The following UNC5A variants were observed in gnomAD, a reference collection of about 807,000 sequenced individuals.
The protein encoded by UNC5A is unc-5 netrin receptor A.
UNC5A carries 20 observed loss-of-function variants against 87.4 expected under a neutral mutation model. The observed-to-expected ratio is 0.23, with a 90% CI of 0.16 to 0.33. UNC5A has a LOEUF of 0.33. Among genes scored for constraint, UNC5A ranks in the 10% least tolerant of loss-of-function variants. UNC5A has a pLI of 1.00. For synonymous variants in UNC5A, 438 were observed against 482.3 expected (o/e 0.91, Z 1.20); for missense variants, 844 against 1,133.4 (o/e 0.74, Z 3.67).
At chr5:176,813,121 G>A (rs1023586443) in intron 1 of UNC5A, among the ~76,000 whole-genome samples, 1 of 152,320 alleles carries the variant, frequency 6.6e-6, no homozygotes, top group African/African-American at 2.4e-5. Context: ...GCACCTGCAG[G>A]CCCTCTCTGT....
At chr5:176,857,580 A>G (rs1464823836) in intron 1 of UNC5A, among the ~76,000 whole-genome samples, 1 of 152,126 alleles carries the variant, frequency 6.6e-6, no homozygotes, top group Non-Finnish European at 1.5e-5. Context: ...ATTCCTGAGA[A>G]GATGTGTGGT....
chr5:176,853,835 T>C (rs939833334), intron 1 of UNC5A, among the ~76,000 whole-genome samples: 1 of 152,096 alleles, frequency 6.6e-6, no homozygotes, highest in Non-Finnish European at 1.5e-5. Context: ...GGGTGACTGC[T>C]AGGGCGACAG....
At position 176,865,097 on chromosome 5, in the gene UNC5A, GC is replaced by G; in HGVS notation, c.292+2255del. The stretch of plus-strand genomic sequence containing the variant: ...CGGGGGAAGCCATGAAATCTCACGT[GC>G]CCAGTCAGGACCCAGCACGGGGCCT... On this transcript the variant is annotated intron_variant, in intron 2 of 14. Transcript: ENST00000329542. This position sits in a 1 kb window ranked among gnomAD's most constrained non-coding sequence, Gnocchi z 5.3. 6.0e-6 allele frequency: 2 copies of G among 331,674 alleles called. No homozygotes were observed. The highest frequency in any genetic ancestry group is 8.5e-5 in the Admixed American group (2 of 23,654). The allele number at this position is 331,674 out of a possible 1,614,324, so 20.5% of individuals were successfully genotyped here. A position where few individuals can be genotyped will look rare whatever the true frequency, so the allele number is the denominator to read the frequency against.
At chr5:176,858,078 G>A (rs750042270) in intron 1 of UNC5A, among the ~76,000 whole-genome samples, 11 of 152,204 alleles carry the variant, frequency 7.2e-5, no homozygotes, top group East Asian at 1.9e-4. Context: ...AGGCAGCAGC[G>A]GTAGGCACCC....
In UNC5A at chr5:176,824,377, A is replaced by G. The variant is rs1319033289; in HGVS notation, c.70+13557A>G. On this transcript the variant is annotated intron_variant, in intron 1 of 14. Coordinates refer to ENST00000329542, the MANE Select transcript of UNC5A (RefSeq NM_133369.3). The surrounding 1 kb of genome is among the most constrained non-coding windows in gnomAD (Gnocchi z 4.2). ...TGCTGTTAACAGCCTTCCTGGCCCT[A>G]GATCCACAAACTTCCCGCTTTAACG... 1.3e-5 allele frequency among the ~76,000 whole-genome samples: 2 copies of G among 152,084 alleles called. No individual in the cohort carries two copies. Among genetic ancestry groups the G allele is most frequent in the African/African-American group, 2.4e-5 (1 of 41,402 alleles).
Position 176,870,352 on chromosome 5 carries a change from T to C in UNC5A, c.722-18T>C, listed in dbSNP as rs983814747. Reference sequence around the variant, plus strand: ...CAGGCTGACCGCACCGTCTCCTCTCTGCTTGTCTCTCATCTAGTGGACGGC... The same window carrying C: ...CAGGCTGACCGCACCGTCTCCTCTCCGCTTGTCTCTCATCTAGTGGACGGC... On this transcript the variant is annotated intron_variant, in intron 5 of 14. Coordinates refer to ENST00000329542, the MANE Select transcript of UNC5A (RefSeq NM_133369.3). The C allele has an allele frequency of 5.6e-6, 9 of 1,609,886 alleles. No homozygotes were observed. In the African/African-American group the frequency reaches 1.1e-4, roughly 19 times the overall value.
At position 176,879,804 on chromosome 5, in the gene UNC5A, ACCT is replaced by A; in HGVS notation, c.2449_2451del (p.Leu817del). 1 of 1,613,062 alleles carries A rather than the reference ACCT, an allele frequency of 6.2e-7. No individual in the cohort carries two copies. The highest frequency in any genetic ancestry group is 8.5e-7 in the Non-Finnish European group (1 of 1,179,818). On this transcript the variant is annotated inframe_deletion, in exon 15 of 15. Transcript: ENST00000329542. ...GAGGCGCGGCACTTCCCCAACGGCA[ACCT>A]CAGCCAGCTGGCTGCAGCAGTGGCT...
At chr5:176,820,278 T>C (rs1286785106) in intron 1 of UNC5A, among the ~76,000 whole-genome samples, 1 of 152,122 alleles carries the variant, frequency 6.6e-6, no homozygotes, top group Non-Finnish European at 1.5e-5. Flanking sequence ...GCACCTGTAG[T>C]CCCAGCTACT....
rs751267673 is a variant in UNC5A at position 176,862,832 on chromosome 5, A to C, written c.279A>C (p.Thr93=). Residue 93 remains threonine (T), a synonymous_variant, in exon 2 of 15, where the codon ACA becomes ACC. Coordinates refer to ENST00000329542, the MANE Select transcript of UNC5A (RefSeq NM_133369.3). The part of the protein sequence containing the change: ...RQVDHVIERS[T]DGSSGLPTME... ...TGGACCACGTGATCGAGCGCAGCACAGACGGGAGCAGTGGTGAGCCGCATG... is the reference window on the plus strand; with the variant it reads ...TGGACCACGTGATCGAGCGCAGCACCGACGGGAGCAGTGGTGAGCCGCATG... 1.9e-6 allele frequency: 3 copies of C among 1,612,894 alleles called. No individual in the cohort carries two copies. In the Admixed American group the frequency reaches 5.0e-5, roughly 27 times the overall value.
In UNC5A at chr5:176,870,440, T is replaced by C. The variant is rs748681719; in HGVS notation, c.792T>C (p.Arg264=). ...CGLDCTHWRS[R]ECSDPAPRNG... is the part of the protein sequence containing the mutation. The stretch of plus-strand genomic sequence containing the variant: ...TGGACTGCACCCACTGGCGGAGCCG[T>C]GAGTGCTCTGACCCAGCACCCCGCA... Residue 264 remains arginine (R), a synonymous_variant, in exon 6 of 15, where the codon CGT becomes CGC. Coordinates refer to ENST00000329542, the MANE Select transcript of UNC5A (RefSeq NM_133369.3). 8 of 1,612,036 alleles carry C rather than the reference T, an allele frequency of 5.0e-6. No homozygotes were observed. The highest frequency in any genetic ancestry group is 6.8e-6 in the Non-Finnish European group (8 of 1,179,492).
intron 1 of UNC5A, among the ~76,000 whole-genome samples, chr5:176,819,423 CAG>C (rs1176499046): frequency 2.0e-5 from 3 of 152,172 alleles, no homozygotes; most frequent in Non-Finnish European, 2.9e-5. Flanking sequence ...GAACTGAACT[CAG>C]GGGTGGCTGT....
chr5:176,846,099 A>G (rs538586465), intron 1 of UNC5A, among the ~76,000 whole-genome samples: 1 of 152,142 alleles, frequency 6.6e-6, no homozygotes, highest in East Asian at 1.9e-4. Flanking sequence ...GCCACATAGG[A>G]TGGCTGAGGC....
At chr5:176,843,468 G>A (rs1270778903) in intron 1 of UNC5A, among the ~76,000 whole-genome samples, 1 of 152,198 alleles carries the variant, frequency 6.6e-6, no homozygotes, top group African/African-American at 2.4e-5. Context: ...GGTGCAAAGG[G>A]GCTGGCGGGA....
In UNC5A at chr5:176,864,448, C is replaced by T. The variant is rs566367510; in HGVS notation, c.292+1603C>T. On this transcript the variant is annotated intron_variant, in intron 2 of 14. Coordinates refer to ENST00000329542, the MANE Select transcript of UNC5A (RefSeq NM_133369.3). ...AGGGCAAGGCCCCTGCCAGGGAGAA[C>T]GGTTTGGAAGCTCTGGCAGTGATCT... Among the ~76,000 whole-genome samples, 8 of 152,234 alleles carry T rather than the reference C, an allele frequency of 5.3e-5. 1 individual carries two copies. Among genetic ancestry groups the T allele is most frequent in the South Asian group, 4.1e-4 (2 of 4,832 alleles).
At chr5:176,876,345 C>T (rs143327572) in intron 8 of UNC5A, among the ~76,000 whole-genome samples, 326 of 152,288 alleles carry the variant, frequency 2.1e-3, no homozygotes, top group African/African-American at 7.4e-3. Flanking sequence ...GCGCTGCCCA[C>T]GAGGGAGTGT....
chr5:176,877,363 G>A lies in UNC5A; in HGVS notation c.1466+84G>A, dbSNP rs569462043. The A allele has an allele frequency of 1.7e-4, 239 of 1,412,516 alleles. 2 individuals carry two copies. The South Asian group carries it at 2.8e-3, about 16-fold the overall frequency. 87.5% of individuals were successfully genotyped at this position (1,412,516 alleles called of 1,614,324 possible). A position where few individuals can be genotyped will look rare whatever the true frequency, so the allele number is the denominator to read the frequency against. The stretch of plus-strand genomic sequence containing the variant: ...CCAGGAAGCCCCCTGCCCACCCACT[G>A]TTGTGCCTGGCCCGAGGCGGCGGGG... On this transcript the variant is annotated intron_variant, in intron 9 of 14. Coordinates refer to ENST00000329542, the MANE Select transcript of UNC5A (RefSeq NM_133369.3).
At chr5:176,839,867 A>AAG in intron 1 of UNC5A, among the ~76,000 whole-genome samples, 1 of 134,934 alleles carries the variant, frequency 7.4e-6, no homozygotes, top group Non-Finnish European at 1.5e-5. Flanking sequence ...CCCAGGCTGG[A>AAG]ATGCAGTGGT....
At chr5:176,846,507 C>T (rs1020313234) in intron 1 of UNC5A, among the ~76,000 whole-genome samples, 1 of 152,158 alleles carries the variant, frequency 6.6e-6, no homozygotes, top group Admixed American at 6.5e-5. Context: ...ATTGAGGCAT[C>T]TTATACAGCT....
intron 1 of UNC5A, among the ~76,000 whole-genome samples, chr5:176,822,230 C>T (rs910122933): frequency 6.6e-6 from 1 of 152,210 alleles, no homozygotes; most frequent in African/African-American, 2.4e-5. Flanking sequence ...GCCCGCGGGG[C>T]GGGGGATGCT....
Sources: allele counts gnomAD v4.1 joint callset (sites outside exome capture counted in the v4.1 genomes callset), GRCh38; gene constraint gnomAD v4.1.1; non-coding constraint Gnocchi (gnomAD v3.1); transcripts MANE v1.5; gene names NCBI Gene and HGNC (gene_info 2026-07-23, HGNC 2026-07-21).